The following NEMP2 variants were observed in gnomAD, a reference collection of about 807,000 sequenced individuals.
The protein encoded by NEMP2 is UPF0571 transmembrane protein.
NEMP2 carries 53 observed loss-of-function variants against 54.2 expected under a neutral mutation model. That is an observed-to-expected ratio of 0.98 (90% confidence interval 0.78 to 1.23). NEMP2 has a LOEUF of 1.23. Ranked by LOEUF, NEMP2 falls within the 50% of genes most tolerant of loss-of-function variation. The pLI is 0.00. For missense variants in NEMP2, 455 were observed against 511.3 expected (o/e 0.89, Z 1.06); for synonymous variants, 197 against 190.3 (o/e 1.04, Z -0.29).
chr2:190,601,213 G>A, the NEMP2 span, among the ~76,000 whole-genome samples: 1 of 152,102 alleles, frequency 6.6e-6, no homozygotes, highest in Admixed American at 6.6e-5. This position sits in a 1 kb window ranked among gnomAD's most constrained non-coding sequence, Gnocchi z 5.8. Flanking sequence ...AGAACACTGT[G>A]TGAAGATTGG....
the NEMP2 span, among the ~76,000 whole-genome samples, chr2:190,647,488 G>A: frequency 6.6e-6 from 1 of 152,096 alleles, no homozygotes; most frequent in Non-Finnish European, 1.5e-5. Flanking sequence ...GCCAGGGTGT[G>A]GGAATGGCCT....
chr2:190,482,021 T>G, the NEMP2 span, among the ~76,000 whole-genome samples: 1 of 151,326 alleles, frequency 6.6e-6, no homozygotes, highest in African/African-American at 2.4e-5. Flanking sequence ...TATGACCATG[T>G]GGTTAATTCT....
At chr2:190,524,792 C>G (rs1574309788) in intron 2 of NEMP2, among the ~76,000 whole-genome samples, 1 of 152,128 alleles carries the variant, frequency 6.6e-6, no homozygotes, top group Non-Finnish European at 1.5e-5. Context: ...TCCTAGGAGC[C>G]TAGAAATAGT....
the NEMP2 span, among the ~76,000 whole-genome samples, chr2:190,453,605 G>T: frequency 1.3e-5 from 2 of 152,174 alleles, no homozygotes; most frequent in Admixed American, 6.5e-5. Context: ...TGCTTCTAAC[G>T]TGGGCATAAA....
the NEMP2 span, among the ~76,000 whole-genome samples, chr2:190,545,884 G>T: frequency 2.0e-5 from 3 of 152,010 alleles, no homozygotes; most frequent in African/African-American, 7.3e-5. Context: ...ATTCAAGTAT[G>T]TTACAGAGTT....
the NEMP2 span, among the ~76,000 whole-genome samples, chr2:190,459,489 A>ATATGTTTAGTCATTGTGTGT: frequency 6.6e-6 from 1 of 152,080 alleles, no homozygotes; most frequent in Admixed American, 6.5e-5. This position sits in a 1 kb window ranked among gnomAD's most constrained non-coding sequence, Gnocchi z 5.3. Context: ...TGTGTGTGTG[A>ATATGTTTAGTCATTGTGTGT]ATATGTTCAG....
At chr2:190,549,279 T>G in the NEMP2 span, among the ~76,000 whole-genome samples, 2 of 152,248 alleles carry the variant, frequency 1.3e-5, no homozygotes, top group Admixed American at 6.5e-5. Flanking sequence ...TGACTGACTC[T>G]CTTTTTGTGA....
the NEMP2 span, among the ~76,000 whole-genome samples, chr2:190,614,994 T>C: frequency 6.6e-6 from 1 of 152,192 alleles, no homozygotes; most frequent in African/African-American, 2.4e-5. The surrounding 1 kb of genome is among the most constrained non-coding windows in gnomAD (Gnocchi z 5.7). Context: ...TCTTGAACAA[T>C]AGGAAAGCAA....
rs1354387399 is a variant in NEMP2 at position 190,507,815 on chromosome 2, A to T, written c.*1374T>A. On this transcript the variant is annotated 3_prime_UTR_variant, in exon 9 of 9. Coordinates refer to ENST00000409150, the MANE Select transcript of NEMP2 (RefSeq NM_001142645.2). This position sits in a 1 kb window ranked among gnomAD's most constrained non-coding sequence, Gnocchi z 4.4. ...GAAAAACTACTTAATTTGGCTCAGG[A>T]AAGCAGCAGTGCCAAAATTCTGTCT... The T allele has an allele frequency of 1.3e-5, 2 of 152,212 alleles. No homozygotes were observed. Among genetic ancestry groups the T allele is most frequent in the Non-Finnish European group, 2.9e-5 (2 of 68,032 alleles). The allele number at this position is 152,212 out of a possible 1,614,324, so 9.4% of individuals were successfully genotyped here.
chr2:190,497,344 G>A, the NEMP2 span: 2 of 1,369,054 alleles, frequency 1.5e-6, no homozygotes, highest in South Asian at 2.7e-5. The surrounding 1 kb of genome is among the most constrained non-coding windows in gnomAD (Gnocchi z 5.2). Flanking sequence ...TCTGGAATGG[G>A]TATATGGGAT....
chr2:190,441,989 G>A, the NEMP2 span, among the ~76,000 whole-genome samples: 2 of 152,218 alleles, frequency 1.3e-5, no homozygotes, highest in Admixed American at 6.5e-5. Flanking sequence ...AAAGACTCCT[G>A]ATGGCAATTG....
the NEMP2 span, chr2:190,625,317 T>C: frequency 6.6e-6 from 1 of 152,134 alleles, no homozygotes; most frequent in Admixed American, 6.5e-5. Flanking sequence ...AATGAAAGAA[T>C]CCACATAATG....
chr2:190,639,127 A>G, the NEMP2 span, among the ~76,000 whole-genome samples: 4 of 152,252 alleles, frequency 2.6e-5, no homozygotes, highest in East Asian at 7.7e-4. Context: ...AAGCAGTTCA[A>G]GCCAGCTCTA....
chr2:190,571,549 TATA>T, the NEMP2 span, among the ~76,000 whole-genome samples: 12 of 149,922 alleles, frequency 8.0e-5, no homozygotes, highest in South Asian at 6.4e-4. Flanking sequence ...TCTCAAAAAA[TATA>T]ATAATAATAA....
the NEMP2 span, among the ~76,000 whole-genome samples, chr2:190,421,736 T>A: frequency 0.013 from 1,706 of 133,898 alleles, 15 homozygotes; most frequent in South Asian, 0.07. Flanking sequence ...AAAAAAAAAA[T>A]TTTTTTTAAA....
At chr2:190,591,845 C>T in the NEMP2 span, among the ~76,000 whole-genome samples, 1 of 152,052 alleles carries the variant, frequency 6.6e-6, no homozygotes, top group East Asian at 1.9e-4. The surrounding 1 kb of genome is among the most constrained non-coding windows in gnomAD (Gnocchi z 5.4). Flanking sequence ...TGAGTGTCTA[C>T]TATTTGCAGG....
chr2:190,515,674 T>G (rs1690527509), intron 6 of NEMP2, among the ~76,000 whole-genome samples: 2 of 152,204 alleles, frequency 1.3e-5, no homozygotes, highest in African/African-American at 4.8e-5. Flanking sequence ...ACTTAATTGC[T>G]TTTGTTTTGA....
intron 1 of NEMP2, among the ~76,000 whole-genome samples, chr2:190,527,000 C>T (rs569724077): frequency 2.4e-4 from 37 of 152,176 alleles, no homozygotes; most frequent in African/African-American, 8.7e-4. Context: ...CTTCTGTGGT[C>T]GTTGCTGTAT....
rs1220469504 is a variant in NEMP2, at chr2:190,529,961, G to A, written c.98-4583C>T. ...CCAATACATCCATAGCTAGAGGGTT[G>A]AGTACTGTAACCCTTAACATCCTCT... On this transcript the variant is annotated intron_variant, in intron 1 of 8. Coordinates refer to ENST00000409150, the MANE Select transcript of NEMP2 (RefSeq NM_001142645.2). This position sits in a 1 kb window ranked among gnomAD's most constrained non-coding sequence, Gnocchi z 4.7. 6.6e-6 allele frequency among the ~76,000 whole-genome samples: 1 copy of A among 152,218 alleles called. No homozygotes were observed. The highest frequency in any genetic ancestry group is 1.5e-5 in the Non-Finnish European group (1 of 68,042).
Sources: allele counts gnomAD v4.1 joint callset (sites outside exome capture counted in the v4.1 genomes callset), GRCh38; gene constraint gnomAD v4.1.1; non-coding constraint Gnocchi (gnomAD v3.1); transcripts MANE v1.5; gene names NCBI Gene and HGNC (gene_info 2026-07-23, HGNC 2026-07-21).